LRRTM4: variants seen among roughly 807,000 people sequenced by gnomAD.
LRRTM4 encodes leucine rich repeat transmembrane neuronal 4.
LRRTM4 carries 25 observed loss-of-function variants against 47.6 expected under a neutral mutation model. That is an observed-to-expected ratio of 0.53 (90% CI 0.38 to 0.73). The LOEUF is 0.73. Ranked by LOEUF, LRRTM4 falls within the 30% of genes least tolerant of loss-of-function variation. The probability of loss-of-function intolerance (pLI) is 0.00; values close to 1 mark genes in which losing one functional copy is unlikely to be tolerated. For missense variants in LRRTM4, 638 were observed against 713.4 expected (o/e 0.89, Z 1.20); for synonymous variants, 311 against 269.5 (o/e 1.15, Z -1.51).
intron 3 of LRRTM4, among the ~76,000 whole-genome samples, chr2:77,471,841 G>C (rs554446718): frequency 6.6e-6 from 1 of 152,102 alleles, no homozygotes; most frequent in Admixed American, 6.6e-5. Context: ...TTGCCACCAG[G>C]TATGTTTTAC....
chr2:77,196,860 A>G (rs1254096400), intron 3 of LRRTM4, among the ~76,000 whole-genome samples: 1 of 152,226 alleles, frequency 6.6e-6, no homozygotes, highest in East Asian at 1.9e-4. Flanking sequence ...AACCATTTTA[A>G]AAATAATTTG....
chr2:77,202,886 G>A (rs1674015305), intron 3 of LRRTM4, among the ~76,000 whole-genome samples: 1 of 152,048 alleles, frequency 6.6e-6, no homozygotes, highest in African/African-American at 2.4e-5. Context: ...AAAGTAGAAT[G>A]TATGGGAACA....
intron 3 of LRRTM4, among the ~76,000 whole-genome samples, chr2:77,253,732 A>G (rs1162844262): frequency 6.6e-6 from 1 of 152,146 alleles, no homozygotes; most frequent in East Asian, 1.9e-4. Context: ...TTGTGAAGAA[A>G]TAGAATATAT....
chr2:76,838,053 T>A (rs1040787636), intron 3 of LRRTM4, among the ~76,000 whole-genome samples: 19 of 151,614 alleles, frequency 1.3e-4, no homozygotes, highest in Non-Finnish European at 1.9e-4. Flanking sequence ...AACCTGCACA[T>A]TGTGCACATG....
At chr2:76,958,094 C>T (rs1675735670) in intron 3 of LRRTM4, among the ~76,000 whole-genome samples, 1 of 151,670 alleles carries the variant, frequency 6.6e-6, no homozygotes, top group Non-Finnish European at 1.5e-5. Flanking sequence ...AAGGAGGTTT[C>T]ATTTACTACA....
At chr2:76,790,765 C>A (rs935785194) in intron 3 of LRRTM4, among the ~76,000 whole-genome samples, 1 of 151,168 alleles carries the variant, frequency 6.6e-6, no homozygotes, top group Admixed American at 6.6e-5. Context: ...TGATGTAAAT[C>A]TACTCTTTGA....
chr2:77,048,349 A>T (rs1440397536), intron 3 of LRRTM4, among the ~76,000 whole-genome samples: 2 of 152,030 alleles, frequency 1.3e-5, no homozygotes, highest in Non-Finnish European at 2.9e-5. Flanking sequence ...TAGGTGTTAT[A>T]ATGAAGTTTT....
chr2:77,499,659 C>A (rs1338802273), intron 3 of LRRTM4, among the ~76,000 whole-genome samples: 2 of 151,878 alleles, frequency 1.3e-5, no homozygotes, highest in African/African-American at 4.8e-5. Flanking sequence ...AACAAAAAAG[C>A]TTACGACTAA....
chr2:76,987,434 G>A (rs1676842193), intron 3 of LRRTM4: 1 of 151,820 alleles, frequency 6.6e-6, no homozygotes, highest in African/African-American at 2.4e-5. Context: ...ATTTCCAAAT[G>A]GGAGCAAAAG....
At position 77,364,173 on chromosome 2, in the gene LRRTM4, A is replaced by G. The variant is rs58307818; in HGVS notation, c.1551+154145T>C. On this transcript the variant is annotated intron_variant, in intron 3 of 3. Transcript: ENST00000409884. ...TTCTTGTTTATCCCTCTGTGTTTGT[A>G]TGAATATTTGCATTCAACATCAGCA... 1.1e-3 allele frequency among the ~76,000 whole-genome samples: 171 copies of G among 151,710 alleles called. 5 individuals carry two copies. The East Asian group carries it at 0.025, about 22-fold the overall frequency.
intron 3 of LRRTM4, among the ~76,000 whole-genome samples, chr2:76,939,684 T>C (rs935056428): frequency 6.6e-6 from 1 of 152,076 alleles, no homozygotes; most frequent in Non-Finnish European, 1.5e-5. Flanking sequence ...GACCCCAAAT[T>C]AGCAGAATAT....
intron 3 of LRRTM4, among the ~76,000 whole-genome samples, chr2:77,198,929 A>T (rs1397674665): frequency 1.3e-5 from 2 of 152,046 alleles, no homozygotes; most frequent in Admixed American, 6.6e-5. Context: ...GCAGACTGTA[A>T]ATGCTGCAGG....
At position 77,365,056 on chromosome 2, in the gene LRRTM4, T is replaced by G. The variant is rs375481596; in HGVS notation, c.1551+153262A>C. 2.6e-5 allele frequency among the ~76,000 whole-genome samples: 4 copies of G among 152,010 alleles called. No homozygotes were observed. The East Asian group carries it at 5.8e-4, about 22-fold the overall frequency. On this transcript the variant is annotated intron_variant, in intron 3 of 3. Transcript: ENST00000409884. ...AAATTTTCTATCTTCAGGGTAGAAG[T>G]TGAACACTAATGAGATATAAGAACT...
chr2:77,252,601 C>A (rs944476005), intron 3 of LRRTM4, among the ~76,000 whole-genome samples: 1 of 151,942 alleles, frequency 6.6e-6, no homozygotes, highest in Admixed American at 6.6e-5. Flanking sequence ...AAATTCAAAC[C>A]AAAACGAACC....
At chr2:77,149,985 G>C (rs1011093133) in intron 3 of LRRTM4, among the ~76,000 whole-genome samples, 6 of 152,090 alleles carry the variant, frequency 3.9e-5, no homozygotes, top group African/African-American at 1.4e-4. Context: ...TCTAGGCAAG[G>C]CTGAAAATGT....
At chr2:77,432,758 CA>C (rs1675434819) in intron 3 of LRRTM4, among the ~76,000 whole-genome samples, 1 of 152,188 alleles carries the variant, frequency 6.6e-6, no homozygotes, top group African/African-American at 2.4e-5. Flanking sequence ...CACAAACACC[CA>C]AACTCATGTA....
chr2:77,397,002 GACT>G (rs1457571326), intron 3 of LRRTM4, among the ~76,000 whole-genome samples: 12 of 151,860 alleles, frequency 7.9e-5, no homozygotes, highest in African/African-American at 2.9e-4. Context: ...CAGATGGCTT[GACT>G]CATTGATTCA....
At chr2:77,331,192 T>A (rs1359607527) in intron 3 of LRRTM4, among the ~76,000 whole-genome samples, 1 of 152,182 alleles carries the variant, frequency 6.6e-6, no homozygotes, top group African/African-American at 2.4e-5. Context: ...CTTTCCAGTT[T>A]GTATTTTTCT....
At chr2:76,987,786 C>G (rs1676854991) in intron 3 of LRRTM4, among the ~76,000 whole-genome samples, 1 of 151,712 alleles carries the variant, frequency 6.6e-6, no homozygotes, top group African/African-American at 2.4e-5. Context: ...GGTGTTCCTC[C>G]ACTTTGGAGG....
Sources: allele counts gnomAD v4.1 joint callset (sites outside exome capture counted in the v4.1 genomes callset), GRCh38; gene constraint gnomAD v4.1.1; transcripts MANE v1.5; gene names NCBI Gene and HGNC (gene_info 2026-07-23, HGNC 2026-07-21).